Variants in CFAP263 observed in about 807,000 individuals in gnomAD.
CFAP263 encodes the protein cilia- and flagella-associated protein 263.
the CFAP263 span, among the ~76,000 whole-genome samples, chr16:58,270,192 T>G: frequency 6.6e-6 from 1 of 152,228 alleles, no homozygotes; most frequent in African/African-American, 2.4e-5. Context: ...CTTTTTAACT[T>G]ACCCATTGTA....
At chr16:58,255,658 ACAC>A in the CFAP263 span, among the ~76,000 whole-genome samples, 1 of 149,636 alleles carries the variant, frequency 6.7e-6, no homozygotes, top group Non-Finnish European at 1.5e-5. Context: ...TCCCAGGTTC[ACAC>A]CATTCTCCTG....
chr16:58,276,888 G>A, the CFAP263 span, among the ~76,000 whole-genome samples: 1 of 152,184 alleles, frequency 6.6e-6, no homozygotes, highest in African/African-American at 2.4e-5. Flanking sequence ...ACATCTGGAT[G>A]AATAAAAGTG....
At chr16:58,256,531 C>T in the CFAP263 span, among the ~76,000 whole-genome samples, 3 of 152,142 alleles carry the variant, frequency 2.0e-5, no homozygotes, top group Admixed American at 6.6e-5. Context: ...TTAGAGAAGA[C>T]GCTACTTTGG....
At chr16:58,269,400 A>G in the CFAP263 span, among the ~76,000 whole-genome samples, 29 of 152,082 alleles carry the variant, frequency 1.9e-4, 1 homozygote, top group African/African-American at 6.3e-4. Context: ...GAAAGAGGAA[A>G]GAAAGGAAAG....
the CFAP263 span, chr16:58,278,597 A>G: frequency 6.2e-7 from 1 of 1,614,246 alleles, no homozygotes; most frequent in Non-Finnish European, 8.5e-7. Flanking sequence ...GACCTGGAGA[A>G]GAGCATCAGG....
At chr16:58,250,610 C>T in the CFAP263 span, among the ~76,000 whole-genome samples, 1 of 151,896 alleles carries the variant, frequency 6.6e-6, no homozygotes, top group Non-Finnish European at 1.5e-5. Flanking sequence ...ACTAAAGATA[C>T]AAAAATTAGC....
the CFAP263 span, chr16:58,250,098 G>T: frequency 5.0e-6 from 8 of 1,584,444 alleles, no homozygotes; most frequent in African/African-American, 1.1e-4. Flanking sequence ...AGCTGTGCGG[G>T]CTGGTGGAGG....
the CFAP263 span, among the ~76,000 whole-genome samples, chr16:58,257,874 G>A: frequency 3.3e-5 from 5 of 152,010 alleles, no homozygotes; most frequent in Admixed American, 6.5e-5. Flanking sequence ...TTGGGAGGCC[G>A]AGGTGGGCGG....
At chr16:58,249,971 G>A in the CFAP263 span, 2 of 1,343,532 alleles carry the variant, frequency 1.5e-6, no homozygotes, top group Non-Finnish European at 1.0e-6. Context: ...GGCACCCGGA[G>A]CTCCTGGGCA....
At chr16:58,275,430 G>GT in the CFAP263 span, among the ~76,000 whole-genome samples, 3 of 151,370 alleles carry the variant, frequency 2.0e-5, no homozygotes, top group South Asian at 2.1e-4. Context: ...ACCAAGGAAG[G>GT]TTTTTTTGTT....
chr16:58,281,021 C>T, the CFAP263 span: 3 of 439,476 alleles, frequency 6.8e-6, no homozygotes, highest in East Asian at 1.1e-4. Context: ...TTTCTTGCCC[C>T]TTTCCAGTCC....
At chr16:58,269,378 G>GAAGAAAGAAAGAAAGA in the CFAP263 span, among the ~76,000 whole-genome samples, 1 of 149,228 alleles carries the variant, frequency 6.7e-6, no homozygotes, top group Non-Finnish European at 1.5e-5. Context: ...TTATTTATAA[G>GAAGAAAGAAAGAAAGA]AAGAAAGGAA....
At chr16:58,252,171 C>T in the CFAP263 span, among the ~76,000 whole-genome samples, 2 of 152,020 alleles carry the variant, frequency 1.3e-5, no homozygotes, top group Admixed American at 6.6e-5. Flanking sequence ...GAGTTCATGG[C>T]CAGCCTTGAC....
chr16:58,260,023 C>G, the CFAP263 span: 2 of 759,442 alleles, frequency 2.6e-6, no homozygotes, highest in Non-Finnish European at 4.4e-6. Flanking sequence ...CCCAAAATAT[C>G]CATATCCTAA....
At chr16:58,279,679 T>A in the CFAP263 span, 1 of 1,575,164 alleles carries the variant, frequency 6.3e-7, no homozygotes, top group South Asian at 1.2e-5. Flanking sequence ...TTTTTCTTTT[T>A]TTTTTTTGCA....
At chr16:58,281,017 G>T in the CFAP263 span, 1 of 456,350 alleles carries the variant, frequency 2.2e-6, no homozygotes, top group Non-Finnish European at 3.9e-6. Context: ...TCATTTTCTT[G>T]CCCCTTTCCA....
At chr16:58,262,143 C>G in the CFAP263 span, among the ~76,000 whole-genome samples, 83,825 of 150,584 alleles carry the variant, frequency 0.56, 23,731 homozygotes, top group African/African-American at 0.63. Context: ...ACTGTTGAGT[C>G]AATGGCTTGT....
chr16:58,267,481 C>G, the CFAP263 span: 2,794 of 1,607,950 alleles, frequency 1.7e-3, 63 homozygotes, highest in African/African-American at 0.033. Context: ...TATTTCAGAG[C>G]AAGCTTCACA....
At chr16:58,266,129 G>A in the CFAP263 span, among the ~76,000 whole-genome samples, 1 of 152,068 alleles carries the variant, frequency 6.6e-6, no homozygotes, top group Admixed American at 6.5e-5. Flanking sequence ...GAGTGGGGAA[G>A]AGAATGGCCC....
Sources: gnomAD v4.1 joint callset for allele counts (sites outside exome capture counted in the v4.1 genomes callset) on GRCh38, gnomAD v4.1.1 for gene constraint, MANE v1.5 for transcripts, NCBI Gene and HGNC (gene_info 2026-07-23, HGNC 2026-07-21) for gene names.